The following MYO3B variants were observed in gnomAD, a reference collection of about 807,000 sequenced individuals.
MYO3B encodes the protein myosin-IIIb.
MYO3B carries 156 observed loss-of-function variants against 174.6 expected under a neutral mutation model. That is an observed-to-expected ratio of 0.89 (90% CI 0.78 to 1.02). MYO3B has a LOEUF of 1.02. Among genes scored for constraint, MYO3B ranks in the 50% least tolerant of loss-of-function variants. The pLI is 0.00. For synonymous variants in MYO3B, 563 were observed against 569.1 expected (o/e 0.99, Z 0.15); for missense variants, 1,632 against 1,639.4 (o/e 1.00, Z 0.08).
intron 22 of MYO3B, among the ~76,000 whole-genome samples, chr2:170,432,766 A>G (rs931576884): frequency 5.3e-5 from 8 of 151,220 alleles, no homozygotes; most frequent in South Asian, 2.1e-4. Context: ...TAGTAGAGAC[A>G]GGGTTTCACC....
intron 6 of MYO3B, among the ~76,000 whole-genome samples, chr2:170,222,458 G>A (rs908200771): frequency 6.6e-6 from 1 of 152,176 alleles, no homozygotes; most frequent in Non-Finnish European, 1.5e-5. Flanking sequence ...GGCTTCCTCT[G>A]AAGCCTCTAG....
rs374177869 is a variant in MYO3B at position 170,413,121 on chromosome 2, G to A, written c.2650+5277G>A. On this transcript the variant is annotated intron_variant, in intron 22 of 34. Transcript: ENST00000408978. ...TCTGAACAGGCATGCAAATCCATAA[G>A]TGAAGCAATATAACAACTATATCCA... Among the ~76,000 whole-genome samples the A allele has an allele frequency of 7.6e-4, 115 of 152,284 alleles. 1 individual carries two copies. In the South Asian group the frequency reaches 0.023, roughly 31 times the overall value.
At chr2:170,317,726 C>G (rs9677051) in intron 7 of MYO3B, among the ~76,000 whole-genome samples, 72,141 of 151,954 alleles carry the variant, frequency 0.47, 18,431 homozygotes, top group East Asian at 0.67. Context: ...AGGCAGCTTA[C>G]TATAGGGTAG....
At chr2:170,283,149 C>T (rs1423654154) in intron 7 of MYO3B, among the ~76,000 whole-genome samples, 1 of 152,076 alleles carries the variant, frequency 6.6e-6, no homozygotes, top group Non-Finnish European at 1.5e-5. Context: ...GTGTGGGACC[C>T]AGCGTGAGCT....
At chr2:170,571,373 T>C (rs1575181379) in intron 32 of MYO3B, among the ~76,000 whole-genome samples, 1 of 152,166 alleles carries the variant, frequency 6.6e-6, no homozygotes, top group East Asian at 1.9e-4. Context: ...GACTGAGGTG[T>C]TTCTTATGGG....
Position 170,534,707 on chromosome 2 carries a change from T to C in MYO3B, c.3576-8199T>C, listed in dbSNP as rs1689574387. Among the ~76,000 whole-genome samples, 3 of 152,324 alleles carry C rather than the reference T, an allele frequency of 2.0e-5. No individual in the cohort carries two copies. In the South Asian group the frequency reaches 6.2e-4, roughly 32 times the overall value. On this transcript the variant is annotated intron_variant, in intron 30 of 34. Transcript: ENST00000408978. ...CTCTCATCTTGGCCTCCCAAAGTGCTAGGAGTACAGGCATGAGCCACCCAC... is the reference window on the plus strand; with the variant it reads ...CTCTCATCTTGGCCTCCCAAAGTGCCAGGAGTACAGGCATGAGCCACCCAC...
chr2:170,333,730 A>G (rs2093927771), intron 7 of MYO3B, among the ~76,000 whole-genome samples: 1 of 152,164 alleles, frequency 6.6e-6, no homozygotes, highest in South Asian at 2.1e-4. Context: ...AATTTTCAGA[A>G]GCCAGCTCAA....
chr2:170,386,366 T>G, intron 13 of MYO3B, 94 bp downstream of exon 13: 2 of 1,082,816 alleles, frequency 1.8e-6, no homozygotes, highest in Non-Finnish European at 2.7e-6. Flanking sequence ...TTTTTTTTAT[T>G]AAGGCTTACA....
intron 1 of MYO3B, among the ~76,000 whole-genome samples, chr2:170,196,402 A>G (rs545407205): frequency 2.0e-5 from 3 of 152,256 alleles, no homozygotes; most frequent in South Asian, 2.1e-4. Flanking sequence ...GGTCCCATCT[A>G]TTAATACTTG....
intron 23 of MYO3B, among the ~76,000 whole-genome samples, chr2:170,459,736 G>A (rs897243923): frequency 1.3e-5 from 2 of 152,186 alleles, no homozygotes; most frequent in East Asian, 3.9e-4. Flanking sequence ...ACTGGGGGTG[G>A]GGGGGCTTGG....
At chr2:170,549,048 TC>T (rs1479680706) in intron 32 of MYO3B, among the ~76,000 whole-genome samples, 2 of 152,172 alleles carry the variant, frequency 1.3e-5, no homozygotes, top group East Asian at 3.9e-4. Flanking sequence ...TCTGAGAAAA[TC>T]CCCTATGAAT....
intron 32 of MYO3B, among the ~76,000 whole-genome samples, chr2:170,575,229 T>C (rs72625226): frequency 6.6e-6 from 1 of 152,102 alleles, no homozygotes; most frequent in Non-Finnish European, 1.5e-5. Context: ...CCAGCAAGTG[T>C]TTGTATTTAA....
intron 31 of MYO3B, 119 bp downstream of exon 31, chr2:170,543,085 A>C (rs1690230354): frequency 1.3e-6 from 1 of 772,650 alleles, no homozygotes; most frequent in African/African-American, 1.8e-5. Context: ...TGAAACTGTT[A>C]GTGATATTTT....
chr2:170,491,745 A>G (rs1686498800), intron 25 of MYO3B, among the ~76,000 whole-genome samples: 4 of 152,204 alleles, frequency 2.6e-5, no homozygotes, highest in Non-Finnish European at 4.4e-5. Flanking sequence ...TAATTTATGA[A>G]GTCATGTTTT....
intron 23 of MYO3B, among the ~76,000 whole-genome samples, chr2:170,447,680 T>C (rs1683308927): frequency 6.6e-6 from 1 of 152,222 alleles, no homozygotes; most frequent in Non-Finnish European, 1.5e-5. Flanking sequence ...CAGAGCCAAT[T>C]GATCAAGATG....
At chr2:170,615,790 C>T (rs1324161055) in intron 32 of MYO3B, among the ~76,000 whole-genome samples, 11 of 152,270 alleles carry the variant, frequency 7.2e-5, no homozygotes, top group Admixed American at 6.5e-4. Context: ...TCACTGCCTT[C>T]CGGTCCCATG....
At chr2:170,315,581 C>T (rs528839615) in intron 7 of MYO3B, among the ~76,000 whole-genome samples, 46 of 152,268 alleles carry the variant, frequency 3.0e-4, no homozygotes, top group African/African-American at 9.9e-4. Context: ...GCTGGGATTA[C>T]AGGTGTGAGC....
At position 170,369,323 on chromosome 2, in the gene MYO3B, A is replaced by G. The variant is rs779223161; in HGVS notation, c.917A>G (p.Gln306Arg). 4.3e-6 allele frequency: 7 copies of G among 1,613,924 alleles called. No homozygotes were observed. The South Asian group carries it at 6.6e-5, about 15-fold the overall frequency. ...VHGKVLFLQK[Q>R]LAKVLQDQKH... ...GGAAAAGTTCTGTTTCTGCAAAAACAGCTGGCCAAGGTTCTCCAAGACCAG... is the reference window on the plus strand; with the variant it reads ...GGAAAAGTTCTGTTTCTGCAAAAACGGCTGGCCAAGGTTCTCCAAGACCAG... The change falls in exon 9 of 35, where the codon CAG becomes CGG. Residue 306 changes from glutamine (Q) to arginine (R), a missense_variant. Transcript: ENST00000408978.
intron 32 of MYO3B, among the ~76,000 whole-genome samples, chr2:170,576,766 A>G (rs1485393597): frequency 1.3e-5 from 2 of 152,142 alleles, no homozygotes; most frequent in East Asian, 1.9e-4. Context: ...CTTATTCCTT[A>G]CTCTATGATC....
Sources: gnomAD v4.1 joint callset for allele counts (sites outside exome capture counted in the v4.1 genomes callset) on GRCh38, gnomAD v4.1.1 for gene constraint, MANE v1.5 for transcripts, NCBI Gene and HGNC (gene_info 2026-07-23, HGNC 2026-07-21) for gene names.